Variants in PDE3A observed in about 807,000 individuals in gnomAD.
PDE3A encodes the protein cGMP-inhibited 3',5'-cyclic phosphodiesterase 3A.
Under a neutral mutation model 98.3 loss-of-function variants are expected in PDE3A, and 43 were observed. The ratio of observed to expected loss-of-function variants is 0.44; its 90% CI spans 0.34 to 0.56. The LOEUF is 0.56. Among genes scored for constraint, PDE3A ranks in the 20% least tolerant of loss-of-function variants. PDE3A has a pLI of 0.01. For missense variants in PDE3A, 1,427 were observed against 1,440.7 expected (o/e 0.99, Z 0.15); for synonymous variants, 663 against 567.9 (o/e 1.17, Z -2.38).
chr12:20,469,676 A>G (rs1945403104), intron 1 of PDE3A, among the ~76,000 whole-genome samples: 1 of 152,230 alleles, frequency 6.6e-6, no homozygotes, highest in South Asian at 2.1e-4. Context: ...GTGCCTTTAT[A>G]TGTTTTTAAA....
At chr12:20,606,465 T>C (rs986174234) in intron 2 of PDE3A, among the ~76,000 whole-genome samples, 6 of 152,202 alleles carry the variant, frequency 3.9e-5, no homozygotes, top group African/African-American at 1.4e-4. Context: ...ATGCCTTTTA[T>C]AGCACGCAAA....
intron 14 of PDE3A, 75 bp from the exon 15 acceptor site, chr12:20,653,872 A>C (rs1377502380): frequency 4.0e-6 from 6 of 1,486,130 alleles, no homozygotes; most frequent in Non-Finnish European, 5.5e-6. Flanking sequence ...TTTGTGCATT[A>C]ATGCCTGGGG....
intron 1 of PDE3A, among the ~76,000 whole-genome samples, chr12:20,377,101 G>C (rs908575800): frequency 6.6e-6 from 1 of 151,714 alleles, no homozygotes; most frequent in African/African-American, 2.4e-5. Flanking sequence ...ACCTGTATGT[G>C]CATTTATGAT....
At chr12:20,628,723 A>G (rs956466870) in intron 5 of PDE3A, among the ~76,000 whole-genome samples, 1 of 152,200 alleles carries the variant, frequency 6.6e-6, no homozygotes, top group Non-Finnish European at 1.5e-5. Flanking sequence ...GAGATTTCTC[A>G]TCTTTAACAA....
At chr12:20,491,681 C>G (rs1945828608) in intron 1 of PDE3A, among the ~76,000 whole-genome samples, 1 of 152,126 alleles carries the variant, frequency 6.6e-6, no homozygotes, top group Non-Finnish European at 1.5e-5. Context: ...AAACCTGCAA[C>G]ACATTGTCTA....
chr12:20,485,939 A>G (rs1354381015), intron 1 of PDE3A, among the ~76,000 whole-genome samples: 1 of 152,176 alleles, frequency 6.6e-6, no homozygotes, highest in Non-Finnish European at 1.5e-5. Flanking sequence ...CAACAAGACT[A>G]AGGACCTTAC....
At chr12:20,562,378 C>A (rs1349628316) in intron 2 of PDE3A, among the ~76,000 whole-genome samples, 1 of 151,972 alleles carries the variant, frequency 6.6e-6, no homozygotes, top group African/African-American at 2.4e-5. Context: ...CACCACCACG[C>A]CCAGCTAATT....
At chr12:20,500,532 T>G (rs1296634808) in intron 1 of PDE3A, among the ~76,000 whole-genome samples, 1 of 152,160 alleles carries the variant, frequency 6.6e-6, no homozygotes, top group Admixed American at 6.5e-5. Context: ...TCAAATATTT[T>G]CTTCCATGTG....
intron 5 of PDE3A, among the ~76,000 whole-genome samples, chr12:20,628,416 C>CA (rs1260117109): frequency 6.6e-6 from 1 of 152,142 alleles, no homozygotes; most frequent in Non-Finnish European, 1.5e-5. Context: ...ACGTAAGGAG[C>CA]AATGCAAACG....
intron 2 of PDE3A, among the ~76,000 whole-genome samples, chr12:20,607,480 A>G (rs1307767057): frequency 6.6e-6 from 1 of 151,916 alleles, no homozygotes; most frequent in Non-Finnish European, 1.5e-5. Context: ...ACATTGGAAA[A>G]TGGTGAATTT....
intron 2 of PDE3A, among the ~76,000 whole-genome samples, chr12:20,582,992 C>CT (rs1352841503): frequency 1.3e-5 from 2 of 152,164 alleles, no homozygotes; most frequent in Admixed American, 1.3e-4. Flanking sequence ...AAATTACAGA[C>CT]TGATTCCCTT....
intron 2 of PDE3A, among the ~76,000 whole-genome samples, chr12:20,577,070 C>A (rs1330216215): frequency 6.6e-6 from 1 of 151,976 alleles, no homozygotes; most frequent in Non-Finnish European, 1.5e-5. Flanking sequence ...AATATTAAAT[C>A]TTCCCATGGT....
At chr12:20,597,751 C>T (rs1370790922) in intron 2 of PDE3A, among the ~76,000 whole-genome samples, 2 of 152,172 alleles carry the variant, frequency 1.3e-5, no homozygotes, top group Non-Finnish European at 2.9e-5. Flanking sequence ...TGAATGCCTT[C>T]CACTAGACTG....
At chr12:20,553,180 A>G (rs1942265469) in intron 1 of PDE3A, among the ~76,000 whole-genome samples, 3 of 148,260 alleles carry the variant, frequency 2.0e-5, no homozygotes, top group East Asian at 3.9e-4. Context: ...TCAAATCTAT[A>G]CATTTTCAGG....
intron 1 of PDE3A, among the ~76,000 whole-genome samples, chr12:20,489,403 C>T (rs1038583603): frequency 6.6e-6 from 1 of 152,120 alleles, no homozygotes; most frequent in African/African-American, 2.4e-5. Context: ...AAATGACAGC[C>T]TTCTTTATGC....
chr12:20,613,872 C>T (rs959636114), intron 3 of PDE3A, among the ~76,000 whole-genome samples, 172 bp downstream of exon 3: 4 of 152,028 alleles, frequency 2.6e-5, no homozygotes, highest in African/African-American at 9.7e-5. Flanking sequence ...GACTTCTGTC[C>T]TTATACTTGA....
intron 1 of PDE3A, among the ~76,000 whole-genome samples, chr12:20,486,901 T>C (rs1945736318): frequency 6.6e-6 from 1 of 152,202 alleles, no homozygotes; most frequent in Non-Finnish European, 1.5e-5. Context: ...CCCAAAGTGT[T>C]GGGATTACAG....
At chr12:20,519,450 C>T (rs374952601) in intron 1 of PDE3A, among the ~76,000 whole-genome samples, 12 of 152,116 alleles carry the variant, frequency 7.9e-5, no homozygotes, top group Middle Eastern at 3.4e-3. Context: ...TTTTGATATC[C>T]GCAATAATAA....
intron 1 of PDE3A, among the ~76,000 whole-genome samples, chr12:20,510,075 G>A (rs1022744581): frequency 2.6e-5 from 4 of 151,862 alleles, no homozygotes; most frequent in East Asian, 3.9e-4. Context: ...TCATTTTATG[G>A]TAGACATTAT....
Sources: allele counts gnomAD v4.1 joint callset (sites outside exome capture counted in the v4.1 genomes callset), GRCh38; gene constraint gnomAD v4.1.1; transcripts MANE v1.5; gene names NCBI Gene and HGNC (gene_info 2026-07-23, HGNC 2026-07-21).